The following SPAG9 variants were observed in gnomAD, a reference collection of about 807,000 sequenced individuals.
SPAG9 encodes the protein sperm associated antigen 9.
Under a neutral mutation model 166.5 loss-of-function variants are expected in SPAG9, and 35 were observed. That is an observed-to-expected ratio of 0.21 (90% confidence interval 0.16 to 0.28). The LOEUF (loss-of-function observed/expected upper bound fraction) is 0.28. Ranked by LOEUF, SPAG9 falls within the 10% of genes least tolerant of loss-of-function variation. The pLI is 1.00. For missense variants in SPAG9, 1,235 were observed against 1,603.3 expected (o/e 0.77, Z 3.92); for synonymous variants, 534 against 565.5 (o/e 0.94, Z 0.79).
intron 27 of SPAG9, chr17:50,975,764 T>C (rs1275507881): frequency 1.1e-6 from 1 of 925,714 alleles, no homozygotes; most frequent in Non-Finnish European, 1.7e-6. Context: ...GTGGATAACA[T>C]TTAGGAACAT....
chr17:51,070,931 A>T (rs1452122039), intron 2 of SPAG9, among the ~76,000 whole-genome samples: 2 of 152,210 alleles, frequency 1.3e-5, no homozygotes, highest in African/African-American at 4.8e-5. Flanking sequence ...AATAATGAAG[A>T]TTATACAACA....
intron 3 of SPAG9, among the ~76,000 whole-genome samples, chr17:51,054,080 C>A (rs910842533): frequency 6.8e-6 from 1 of 147,190 alleles, no homozygotes; most frequent in Non-Finnish European, 1.5e-5. Flanking sequence ...TAAAATTAAA[C>A]CTTAATGGCT....
At chr17:51,071,368 TTCTCAA>T (rs1285328811) in intron 2 of SPAG9, among the ~76,000 whole-genome samples, 3 of 152,188 alleles carry the variant, frequency 2.0e-5, no homozygotes, top group Non-Finnish European at 4.4e-5. Context: ...CACCAAGGCT[TTCTCAA>T]TTCACAACTT....
At chr17:51,053,861 A>ATC in intron 3 of SPAG9, among the ~76,000 whole-genome samples, 1 of 58,810 alleles carries the variant, frequency 1.7e-5, no homozygotes, top group East Asian at 4.8e-4. Context: ...AAAAGTATAT[A>ATC]TATATATATA....
intron 2 of SPAG9, among the ~76,000 whole-genome samples, chr17:51,079,231 C>CTT (rs771648631): frequency 7.1e-6 from 1 of 140,582 alleles, no homozygotes; most frequent in Admixed American, 7.3e-5. Context: ...GAGCCAATTC[C>CTT]TTTTTTTTTT....
rs1394823807 is a variant in SPAG9 at position 51,005,997 on chromosome 17, G to A, written c.1424+88C>T. The A allele has an allele frequency of 2.1e-6, 3 of 1,453,290 alleles. No homozygotes were observed. In the African/African-American group the frequency reaches 4.2e-5, roughly 20 times the overall value. The allele number at this position is 1,453,290 out of a possible 1,614,324, so 90.0% of individuals were successfully genotyped here. A position where few individuals can be genotyped will look rare whatever the true frequency, so the allele number is the denominator to read the frequency against. The stretch of plus-strand genomic sequence containing the variant: ...TTGGCCTTCCAGGCTTGAGTGGACA[G>A]AAGGTCTCAGTCTCAGGGTTACATC... On this transcript the variant is annotated intron_variant, in intron 11 of 29. Transcript: ENST00000262013.
At chr17:51,088,899 T>A (rs763795203) in intron 1 of SPAG9, among the ~76,000 whole-genome samples, 2 of 145,574 alleles carry the variant, frequency 1.4e-5, no homozygotes, top group Non-Finnish European at 3.0e-5. Flanking sequence ...TGGAGACCAC[T>A]CTGGCCAACA....
At chr17:51,017,007 G>C (rs889717284) in intron 8 of SPAG9, among the ~76,000 whole-genome samples, 1 of 152,214 alleles carries the variant, frequency 6.6e-6, no homozygotes, top group Non-Finnish European at 1.5e-5. Context: ...TATAAATAAT[G>C]AATTTAACTA....
At chr17:51,019,032 T>C (rs180712824) in intron 8 of SPAG9, among the ~76,000 whole-genome samples, 30 of 152,298 alleles carry the variant, frequency 2.0e-4, no homozygotes, top group African/African-American at 7.2e-4. Flanking sequence ...CATAAGGGCT[T>C]CTCCCTTATA....
At chr17:51,005,089 T>A in intron 12 of SPAG9, 123 bp downstream of exon 12, 2 of 803,688 alleles carry the variant, frequency 2.5e-6, no homozygotes, top group Non-Finnish European at 4.0e-6. Flanking sequence ...TTCATGACCA[T>A]AAACATGTCT....
At chr17:50,987,315 A>G (rs1201807006) in intron 21 of SPAG9, 78 bp from the exon 22 acceptor site, 5 of 1,272,334 alleles carry the variant, frequency 3.9e-6, no homozygotes, top group East Asian at 2.5e-5. Flanking sequence ...GAATCCTTCT[A>G]TATTTAAGTT....
At position 50,985,740 on chromosome 17, in the gene SPAG9, C is replaced by T. The variant is rs139856934; in HGVS notation, c.2978G>A (p.Cys993Tyr). Reference protein sequence around the residue: ...VHSSVAQWRKCLHSIKLKDSI... With the variant: ...VHSSVAQWRKYLHSIKLKDSI... The stretch of plus-strand genomic sequence containing the variant: ...ATCTTTAAGTTTAATGGAATGGAGA[C>T]ATTTCCTCCACTGGGCTACAGATGA... The change falls in exon 23 of 30, where the codon TGT becomes TAT. Residue 993 changes from cysteine to tyrosine, a missense_variant. By Grantham distance (194) the Cys-to-Tyr change is radical. Transcript: ENST00000262013. The T allele has an allele frequency of 3.1e-6, 5 of 1,608,966 alleles. No homozygotes were observed. The Admixed American group carries it at 8.4e-5, about 27-fold the overall frequency.
rs1415505871 is a variant in SPAG9 at position 50,966,078 on chromosome 17, T to G, written c.*194A>C. ...AATATACTGAAGTTACCTATAACACTGGTGCAGTAACACAGCTAGTTCCTC... is the reference window on the plus strand; with the variant it reads ...AATATACTGAAGTTACCTATAACACGGGTGCAGTAACACAGCTAGTTCCTC... On this transcript the variant is annotated 3_prime_UTR_variant, in exon 30 of 30. Transcript: ENST00000262013. 5.3e-6 allele frequency: 3 copies of G among 566,088 alleles called. No individual in the cohort carries two copies. In the African/African-American group the frequency reaches 5.6e-5, roughly 11 times the overall value. 35.1% of individuals were successfully genotyped at this position (566,088 alleles called of 1,614,324 possible). A position where few individuals can be genotyped will look rare whatever the true frequency, so the allele number is the denominator to read the frequency against.
intron 5 of SPAG9, among the ~76,000 whole-genome samples, chr17:51,037,685 A>ATATATATATATATATT: frequency 1.2e-5 from 1 of 83,492 alleles, no homozygotes; most frequent in African/African-American, 3.9e-5. Context: ...ATATATATAT[A>ATATATATATATATATT]GTGTGTGTGT....
At chr17:51,082,579 A>C (rs894247987) in intron 1 of SPAG9, among the ~76,000 whole-genome samples, 48 of 152,238 alleles carry the variant, frequency 3.2e-4, no homozygotes, top group African/African-American at 1.1e-3. Flanking sequence ...TACCCAGTAC[A>C]AAGAATGATG....
intron 12 of SPAG9, 66 bp downstream of exon 12, chr17:51,005,146 G>A (rs1394776022): frequency 1.5e-6 from 2 of 1,357,508 alleles, no homozygotes; most frequent in African/African-American, 2.9e-5. Context: ...AGCTTACGTA[G>A]GAAGATCTTC....
At chr17:51,105,344 C>T (rs2048918012) in intron 1 of SPAG9, among the ~76,000 whole-genome samples, 2 of 151,428 alleles carry the variant, frequency 1.3e-5, no homozygotes, top group Non-Finnish European at 2.9e-5. Flanking sequence ...AAGAAGTAGC[C>T]AAAAAACACT....
intron 25 of SPAG9, 80 bp downstream of exon 25, chr17:50,982,444 A>G: frequency 2.3e-6 from 3 of 1,297,014 alleles, no homozygotes; most frequent in African/African-American, 1.5e-5. Flanking sequence ...ATTTCTAAAG[A>G]AGCTGAAAAT....
chr17:51,025,800 G>A (rs1466748715), intron 6 of SPAG9, among the ~76,000 whole-genome samples: 1 of 152,194 alleles, frequency 6.6e-6, no homozygotes, highest in African/African-American at 2.4e-5. Flanking sequence ...GCTAAAGCAT[G>A]AGAATCGCTT....
Sources: allele counts gnomAD v4.1 joint callset (sites outside exome capture counted in the v4.1 genomes callset), GRCh38; gene constraint gnomAD v4.1.1; transcripts MANE v1.5; gene names NCBI Gene and HGNC (gene_info 2026-07-23, HGNC 2026-07-21).